The following AUTS2 variants were observed in gnomAD, a reference collection of about 807,000 sequenced individuals.
The protein encoded by AUTS2 is activator of transcription and developmental regulator AUTS2.
A neutral mutation model predicts 112.4 loss-of-function variants in AUTS2; 17 were observed. The observed-to-expected ratio is 0.15, with a 90% CI of 0.10 to 0.23. The LOEUF (loss-of-function observed/expected upper bound fraction) is 0.23, where lower values mean the gene tolerates loss of function less well. AUTS2 is among the 10% of genes least tolerant of loss of function. The pLI is 1.00. For synonymous variants in AUTS2, 751 were observed against 702.7 expected, an observed-to-expected ratio of 1.07 and a Z score of -1.09; for missense variants, 1,510 against 1,701.6, an observed-to-expected ratio of 0.89 and a Z score of 1.98.
chr7:70,270,538 A>G (rs1394104433), intron 4 of AUTS2, among the ~76,000 whole-genome samples: 1 of 152,126 alleles, frequency 6.6e-6, no homozygotes, highest in Non-Finnish European at 1.5e-5. Flanking sequence ...ACAGTATACT[A>G]AGGAGTTTGG....
At chr7:70,537,823 G>A (rs1800383052) in intron 5 of AUTS2, among the ~76,000 whole-genome samples, 1 of 152,196 alleles carries the variant, frequency 6.6e-6, no homozygotes, top group Non-Finnish European at 1.5e-5. Context: ...ATGGAAGTAA[G>A]AAGGACGTAA....
chr7:69,938,120 A>C (rs1796485886), intron 2 of AUTS2, among the ~76,000 whole-genome samples: 1 of 152,200 alleles, frequency 6.6e-6, no homozygotes, highest in Non-Finnish European at 1.5e-5. Flanking sequence ...CCTTGAACTC[A>C]TGCATCTGTA....
chr7:70,644,728 C>A (rs569695017), intron 5 of AUTS2, among the ~76,000 whole-genome samples: 1 of 152,292 alleles, frequency 6.6e-6, no homozygotes, highest in Admixed American at 6.5e-5. Flanking sequence ...CTTCCAGAAT[C>A]ATCCCCTTTG....
At chr7:69,652,957 G>T (rs1446841216) in intron 1 of AUTS2, among the ~76,000 whole-genome samples, 1 of 152,146 alleles carries the variant, frequency 6.6e-6, no homozygotes, top group South Asian at 2.1e-4. Context: ...TAAAAATGAG[G>T]TTCGTAGTGC....
chr7:70,747,552 A>G (rs1534343), intron 6 of AUTS2, among the ~76,000 whole-genome samples: 151,711 of 152,336 alleles, frequency 1, 75,549 homozygotes, highest in Middle Eastern at 1. Context: ...TCCACCTCCC[A>G]GGTACAAGTG....
At chr7:70,065,945 C>A (rs1005849763) in intron 2 of AUTS2, among the ~76,000 whole-genome samples, 3 of 152,064 alleles carry the variant, frequency 2.0e-5, no homozygotes, top group African/African-American at 7.2e-5. Flanking sequence ...CGGCTTCATG[C>A]GATTCCCCTG....
At chr7:69,698,832 T>C (rs1177398167) in intron 1 of AUTS2, among the ~76,000 whole-genome samples, 2 of 152,186 alleles carry the variant, frequency 1.3e-5, no homozygotes, top group East Asian at 1.9e-4. Flanking sequence ...AGTTCTTGAC[T>C]ATCTGCACTT....
intron 1 of AUTS2, among the ~76,000 whole-genome samples, chr7:69,781,325 A>C (rs1025663822): frequency 6.6e-6 from 1 of 152,240 alleles, no homozygotes; most frequent in Non-Finnish European, 1.5e-5. Context: ...TTGATAATAC[A>C]TTTGCCCACT....
chr7:69,751,620 G>A (rs970357982), intron 1 of AUTS2, among the ~76,000 whole-genome samples: 2 of 152,240 alleles, frequency 1.3e-5, no homozygotes, highest in African/African-American at 4.8e-5. Context: ...GGTTTAGCCT[G>A]TGGGATTGTT....
At chr7:70,288,970 C>T (rs1788588029) in intron 4 of AUTS2, among the ~76,000 whole-genome samples, 1 of 151,912 alleles carries the variant, frequency 6.6e-6, no homozygotes, top group Non-Finnish European at 1.5e-5. Flanking sequence ...TACCCAGGAC[C>T]CGGTAGAGAA....
Position 70,036,116 on chromosome 7 carries a change from C to G in AUTS2, c.523-82016C>G, listed in dbSNP as rs748741314. Among the ~76,000 whole-genome samples, 22 of 152,284 alleles carry G rather than the reference C, an allele frequency of 1.4e-4. 1 individual carries two copies. The highest frequency in any genetic ancestry group is 2.9e-4 in the Non-Finnish European group (20 of 68,026). On this transcript the variant is annotated intron_variant, in intron 2 of 18. Coordinates refer to ENST00000342771, the MANE Select transcript of AUTS2 (RefSeq NM_015570.4). Reference sequence around the variant, plus strand: ...GCAGGCTGCCAAAAGGTAGCGGCGCCGGCCAGAGGTGGTTTGAGAGGCAAA... The same window carrying G: ...GCAGGCTGCCAAAAGGTAGCGGCGCGGGCCAGAGGTGGTTTGAGAGGCAAA...
chr7:69,605,229 T>C (rs1792647596), intron 1 of AUTS2, among the ~76,000 whole-genome samples: 1 of 152,162 alleles, frequency 6.6e-6, no homozygotes, highest in Admixed American at 6.6e-5. Context: ...GGGCTGATGG[T>C]AGACGACTTG....
chr7:70,191,085 C>A (rs1268364441), intron 4 of AUTS2, among the ~76,000 whole-genome samples: 2 of 147,386 alleles, frequency 1.4e-5, no homozygotes, highest in Non-Finnish European at 3.0e-5. Flanking sequence ...TTACTAAATT[C>A]AATTTCAGAT....
intron 2 of AUTS2, among the ~76,000 whole-genome samples, chr7:70,047,852 C>T (rs144014815): frequency 6.6e-6 from 1 of 152,202 alleles, no homozygotes; most frequent in East Asian, 1.9e-4. Flanking sequence ...ATGGTTCTGG[C>T]TTGATTTTCC....
intron 1 of AUTS2, among the ~76,000 whole-genome samples, chr7:69,605,067 G>A (rs1792636463): frequency 6.6e-6 from 1 of 152,228 alleles, no homozygotes; most frequent in Non-Finnish European, 1.5e-5. Context: ...AGAAGGCAAT[G>A]TGTTGTGCCT....
At chr7:69,813,107 C>G (rs1319017245) in intron 1 of AUTS2, among the ~76,000 whole-genome samples, 1 of 152,190 alleles carries the variant, frequency 6.6e-6, no homozygotes, top group Non-Finnish European at 1.5e-5. Flanking sequence ...CACCCCATCT[C>G]CTACTATCCC....
At chr7:70,496,863 AC>A (rs1798556279) in intron 5 of AUTS2, among the ~76,000 whole-genome samples, 1 of 117,506 alleles carries the variant, frequency 8.5e-6, no homozygotes, top group Non-Finnish European at 1.7e-5. Context: ...ACACACACAC[AC>A]CCCACACACA....
chr7:69,693,750 G>A (rs1316907177), intron 1 of AUTS2, among the ~76,000 whole-genome samples: 7 of 152,184 alleles, frequency 4.6e-5, no homozygotes, highest in African/African-American at 1.7e-4. Flanking sequence ...AAGTTGTGTA[G>A]CTAGTTAGCG....
chr7:70,038,501 C>T (rs188507815), intron 2 of AUTS2, among the ~76,000 whole-genome samples: 21 of 152,160 alleles, frequency 1.4e-4, no homozygotes, highest in African/African-American at 4.1e-4. Flanking sequence ...TACCTAACTA[C>T]GCAAATTAGG....
Sources: allele counts gnomAD v4.1 joint callset (sites outside exome capture counted in the v4.1 genomes callset), GRCh38; gene constraint gnomAD v4.1.1; transcripts MANE v1.5; gene names NCBI Gene and HGNC (gene_info 2026-07-23, HGNC 2026-07-21).